The following CNTNAP5 variants were observed in gnomAD, a reference collection of about 807,000 sequenced individuals.
The protein encoded by CNTNAP5 is contactin-associated protein-like 5.
In CNTNAP5, 72 loss-of-function variants were observed where a neutral mutation model predicts 150.2. That is an observed-to-expected ratio of 0.48 (90% CI 0.40 to 0.58). The LOEUF is 0.58. Among genes scored for constraint, CNTNAP5 ranks in the 20% least tolerant of loss-of-function variants. CNTNAP5 has a pLI of 0.00. For synonymous variants in CNTNAP5, 672 were observed against 619.8 expected (o/e 1.08, Z -1.25); for missense variants, 1,636 against 1,626.2 (o/e 1.01, Z -0.10).
intron 13 of CNTNAP5, among the ~76,000 whole-genome samples, chr2:124,700,841 AT>A (rs1679505257): frequency 6.6e-6 from 1 of 152,104 alleles, no homozygotes; most frequent in South Asian, 2.1e-4. Context: ...TGAGATACAT[AT>A]AGATATTAGG....
chr2:124,572,534 G>C (rs1450076991), intron 11 of CNTNAP5, among the ~76,000 whole-genome samples: 1 of 152,208 alleles, frequency 6.6e-6, no homozygotes, highest in Admixed American at 6.5e-5. Context: ...GACTTGGGGA[G>C]TCAGATAGGT....
At chr2:124,197,868 C>G (rs1040765298) in intron 1 of CNTNAP5, among the ~76,000 whole-genome samples, 18 of 151,960 alleles carry the variant, frequency 1.2e-4, no homozygotes, top group African/African-American at 4.1e-4. Context: ...GTAGTCCCAG[C>G]TACTCAGGAG....
chr2:124,521,259 C>G (rs1037902477), intron 8 of CNTNAP5, among the ~76,000 whole-genome samples: 1 of 152,196 alleles, frequency 6.6e-6, no homozygotes, highest in East Asian at 1.9e-4. Context: ...CAGGCAATAC[C>G]TGCATTGAGA....
At chr2:124,616,118 T>C (rs980124406) in intron 12 of CNTNAP5, among the ~76,000 whole-genome samples, 2 of 152,138 alleles carry the variant, frequency 1.3e-5, no homozygotes, top group African/African-American at 2.4e-5. Context: ...GAATGGCAAA[T>C]GAGCATTAGC....
At chr2:124,124,247 G>A (rs570674896) in intron 1 of CNTNAP5, among the ~76,000 whole-genome samples, 77 of 152,232 alleles carry the variant, frequency 5.1e-4, no homozygotes, top group Non-Finnish European at 4.1e-4. Flanking sequence ...ATCATGGCAC[G>A]AGAACTATGT....
At chr2:124,127,669 G>T (rs1036761467) in intron 1 of CNTNAP5, among the ~76,000 whole-genome samples, 2 of 152,144 alleles carry the variant, frequency 1.3e-5, no homozygotes, top group Admixed American at 1.3e-4. Flanking sequence ...ATAGTACAAG[G>T]CTACAGTAAC....
chr2:124,884,196 AC>A (rs1678032429), intron 21 of CNTNAP5, among the ~76,000 whole-genome samples: 1 of 151,978 alleles, frequency 6.6e-6, no homozygotes, highest in Non-Finnish European at 1.5e-5. Flanking sequence ...GTAGTCCTGT[AC>A]ACATGTATGT....
At chr2:124,149,290 C>T (rs923399472) in intron 1 of CNTNAP5, among the ~76,000 whole-genome samples, 1 of 150,288 alleles carries the variant, frequency 6.7e-6, no homozygotes, top group African/African-American at 2.4e-5. Context: ...GAGGAAGTGG[C>T]CTGTTCAGAC....
At chr2:124,044,176 T>C (rs963697442) in intron 1 of CNTNAP5, among the ~76,000 whole-genome samples, 2 of 152,226 alleles carry the variant, frequency 1.3e-5, no homozygotes, top group African/African-American at 4.8e-5. Context: ...GGAGTACTGC[T>C]TACGGTGTGC....
At chr2:124,716,968 A>C (rs914492650) in intron 13 of CNTNAP5, among the ~76,000 whole-genome samples, 11 of 152,046 alleles carry the variant, frequency 7.2e-5, no homozygotes, top group Non-Finnish European at 1.0e-4. Context: ...ATTACTCATA[A>C]TTTCCCTCTG....
At chr2:124,510,308 T>TATATATCTATATATCTATATATAC (rs1553474669) in intron 8 of CNTNAP5, among the ~76,000 whole-genome samples, 2 of 118,964 alleles carry the variant, frequency 1.7e-5, no homozygotes, top group Non-Finnish European at 3.3e-5. Context: ...TATCTATATA[T>TATATATCTATATATCTATATATAC]ATATCTATAT....
chr2:124,545,198 G>T (rs1280281520), intron 10 of CNTNAP5, among the ~76,000 whole-genome samples: 1 of 152,004 alleles, frequency 6.6e-6, no homozygotes, highest in Non-Finnish European at 1.5e-5. Flanking sequence ...TAAAATAAGA[G>T]AGTCTTCACT....
chr2:124,610,767 T>G (rs1020487886), intron 12 of CNTNAP5, among the ~76,000 whole-genome samples: 2 of 152,116 alleles, frequency 1.3e-5, no homozygotes, highest in Non-Finnish European at 2.9e-5. Flanking sequence ...CAGACCATCC[T>G]GGCCAACACG....
At chr2:124,417,945 C>T (rs1030343316) in intron 4 of CNTNAP5, among the ~76,000 whole-genome samples, 2 of 152,168 alleles carry the variant, frequency 1.3e-5, no homozygotes, top group Non-Finnish European at 2.9e-5. Context: ...TTTCCCAGAG[C>T]TATGAGAGAA....
intron 3 of CNTNAP5, among the ~76,000 whole-genome samples, chr2:124,263,629 C>A (rs1020166470): frequency 3.9e-5 from 6 of 152,136 alleles, no homozygotes; most frequent in African/African-American, 9.7e-5. Context: ...GTTTCTTTTG[C>A]TGTGCAGAAG....
At chr2:124,462,804 T>C (rs149628596) in intron 6 of CNTNAP5, among the ~76,000 whole-genome samples, 2 of 152,290 alleles carry the variant, frequency 1.3e-5, no homozygotes, top group East Asian at 1.9e-4. Context: ...AAGAAACGAA[T>C]GAATCAAATA....
intron 11 of CNTNAP5, among the ~76,000 whole-genome samples, chr2:124,587,654 C>T (rs1316317833): frequency 6.6e-6 from 1 of 152,134 alleles, no homozygotes; most frequent in East Asian, 1.9e-4. Flanking sequence ...GCTAGTTCCA[C>T]TCTGGCTTCC....
chr2:124,756,292 T>C (rs1573596167), intron 14 of CNTNAP5, among the ~76,000 whole-genome samples: 1 of 152,156 alleles, frequency 6.6e-6, no homozygotes, highest in African/African-American at 2.4e-5. Context: ...TGTGGAGAAA[T>C]AGGAACACGT....
chr2:124,700,758 T>C (rs1242355375), intron 13 of CNTNAP5, among the ~76,000 whole-genome samples: 1 of 152,092 alleles, frequency 6.6e-6, no homozygotes, highest in African/African-American at 2.4e-5. Flanking sequence ...TCTTCAATTC[T>C]ATGAGTTTTC....
Sources: gnomAD v4.1 joint callset for allele counts (sites outside exome capture counted in the v4.1 genomes callset) on GRCh38, gnomAD v4.1.1 for gene constraint, MANE v1.5 for transcripts, NCBI Gene and HGNC (gene_info 2026-07-23, HGNC 2026-07-21) for gene names.